The following FAM161A variants were observed in gnomAD, a reference collection of about 807,000 sequenced individuals.
FAM161A encodes the protein protein FAM161A.
FAM161A carries 57 observed loss-of-function variants against 70.9 expected under a neutral mutation model. The ratio of observed to expected loss-of-function variants is 0.80; its 90% CI spans 0.65 to 1.00. The LOEUF (loss-of-function observed/expected upper bound fraction) is 1.00, where lower values mean the gene tolerates loss of function less well. Ranked by LOEUF, FAM161A falls within the 50% of genes least tolerant of loss-of-function variation. The pLI is 0.00. For synonymous variants in FAM161A, 299 were observed against 295.7 expected, an observed-to-expected ratio of 1.01 and a Z score of -0.12; for missense variants, 880 against 836.0, an observed-to-expected ratio of 1.05 and a Z score of -0.65.
chr2:61,845,595 GGAGGACTGCTT>G (rs1673175783), intron 1 of FAM161A, among the ~76,000 whole-genome samples: 1 of 152,084 alleles, frequency 6.6e-6, no homozygotes, highest in African/African-American at 2.4e-5. Context: ...GGCTGCAGTG[GGAGGACTGCTT>G]GAGGCCAGGA....
At chr2:61,803,167 G>A in the FAM161A span, 10 of 498,664 alleles carry the variant, frequency 2.0e-5, no homozygotes, top group Admixed American at 2.7e-5. Context: ...CCTTCATCCC[G>A]GGAAGGCAAC....
chr2:61,842,704 G>T (rs1673063896), intron 1 of FAM161A, among the ~76,000 whole-genome samples: 1 of 152,206 alleles, frequency 6.6e-6, no homozygotes, highest in African/African-American at 2.4e-5. Flanking sequence ...CTCCTGAGTT[G>T]TAAGTTTTAA....
intron 1 of FAM161A, among the ~76,000 whole-genome samples, chr2:61,844,127 A>G (rs1053117760): frequency 1.3e-5 from 2 of 152,122 alleles, no homozygotes; most frequent in African/African-American, 4.8e-5. Flanking sequence ...TAGGCGACAG[A>G]GCGAGACTCT....
At position 61,839,587 on chromosome 2, in the gene FAM161A, A is replaced by G. The variant is rs535920139; in HGVS notation, c.1417T>C (p.Leu473=). 82 of 1,614,206 alleles carry G rather than the reference A, an allele frequency of 5.1e-5. 1 individual carries two copies. The South Asian group carries it at 8.7e-4, about 17-fold the overall frequency. The change falls in exon 3 of 7, where the codon TTG becomes CTG. Residue 473 remains leucine, a synonymous_variant. Transcript: ENST00000404929. ...PHASIKREKI[L]ADIEADEENL... Reference sequence around the variant, plus strand: ...TCTTCATCTGCTTCGATGTCTGCCAAAATTTTTTCTCTTTTAATAGATGCA... The same window carrying G: ...TCTTCATCTGCTTCGATGTCTGCCAGAATTTTTTCTCTTTTAATAGATGCA...
rs892142578 is a variant in FAM161A, at chr2:61,826,050, A to G, written c.*405T>C. 24 of 456,672 alleles carry G rather than the reference A, an allele frequency of 5.3e-5. No homozygotes were observed. The highest frequency in any genetic ancestry group is 4.8e-4 in the African/African-American group (24 of 50,108). 28.3% of individuals were successfully genotyped at this position (456,672 alleles called of 1,614,324 possible). A position where few individuals can be genotyped will look rare whatever the true frequency, so the allele number is the denominator to read the frequency against. On this transcript the variant is annotated 3_prime_UTR_variant, in exon 7 of 7. Transcript: ENST00000404929. ...GCAAATAGTATAATTAAAAATAGTT[A>G]TTGATTCACACTTTCCAAAATTTTT...
the FAM161A span, among the ~76,000 whole-genome samples, chr2:61,804,800 AAG>A: frequency 6.7e-6 from 1 of 150,318 alleles, no homozygotes; most frequent in East Asian, 1.9e-4. Context: ...GAAAGAAAGA[AAG>A]AAAGAAAGAA....
chr2:61,815,715 T>G, the FAM161A span, among the ~76,000 whole-genome samples: 1 of 151,842 alleles, frequency 6.6e-6, no homozygotes, highest in Non-Finnish European at 1.5e-5. Flanking sequence ...CATGCCCAGA[T>G]AGTTTTTGTA....
At chr2:61,806,316 A>G in the FAM161A span, among the ~76,000 whole-genome samples, 1 of 152,216 alleles carries the variant, frequency 6.6e-6, no homozygotes. Context: ...TGCATGTTGA[A>G]GTTCTGTTTA....
intron 1 of FAM161A, chr2:61,846,662 C>A: frequency 3.9e-6 from 1 of 256,412 alleles, no homozygotes; most frequent in Non-Finnish European, 7.7e-6. Flanking sequence ...TGGAACTCTG[C>A]AAACCACACT....
At chr2:61,823,207 C>T (rs148740348), downstream of FAM161A, among the ~76,000 whole-genome samples, 1,878 of 151,124 alleles carry the variant, frequency 0.012, 30 homozygotes, top group African/African-American at 0.042. Flanking sequence ...GTGGCAGGCA[C>T]CTGTAATCCC....
intron 2 of FAM161A, among the ~76,000 whole-genome samples, chr2:61,841,046 C>A (rs1362408881): frequency 6.6e-6 from 1 of 152,192 alleles, no homozygotes; most frequent in Admixed American, 6.5e-5. Flanking sequence ...TAGAGCTGGG[C>A]AATGCCCATA....
At chr2:61,822,001 TCA>T (rs1315193171), downstream of FAM161A, among the ~76,000 whole-genome samples, 6 of 151,208 alleles carry the variant, frequency 4.0e-5, no homozygotes, top group Admixed American at 2.0e-4. Context: ...ACTCCTGACC[TCA>T]AGTAATCTGC....
chr2:61,838,892 A>ATTTAT (rs747578151), intron 3 of FAM161A, among the ~76,000 whole-genome samples, 187 bp from the exon 4 acceptor site: 4 of 130,278 alleles, frequency 3.1e-5, no homozygotes, highest in African/African-American at 1.1e-4. Flanking sequence ...TTATTTATTT[A>ATTTAT]TTTTTTTTGA....
At chr2:61,802,323 AC>A in the FAM161A span, among the ~76,000 whole-genome samples, 1 of 152,066 alleles carries the variant, frequency 6.6e-6, no homozygotes, top group African/African-American at 2.4e-5. Flanking sequence ...AGCTGATCTC[AC>A]CTCCAGCACC....
Position 61,839,408 on chromosome 2 carries a change from C to T in FAM161A, c.1583+13G>A, listed in dbSNP as rs200160715. ...AACCATGAGTCAGTCAGTACTGCGT[C>T]CTACTTACTTACCTTACGGCTTGTT... On this transcript the variant is annotated intron_variant, in intron 3 of 6. Coordinates refer to ENST00000404929, the MANE Select transcript of FAM161A (RefSeq NM_001201543.2). 158 of 1,614,010 alleles carry T rather than the reference C, an allele frequency of 9.8e-5. No homozygotes were observed. The highest frequency in any genetic ancestry group is 1.2e-4 in the Non-Finnish European group (146 of 1,179,956).
the FAM161A span, among the ~76,000 whole-genome samples, chr2:61,809,411 A>G: frequency 1.3e-5 from 2 of 152,190 alleles, no homozygotes; most frequent in African/African-American, 4.8e-5. Flanking sequence ...CAAATTGAGT[A>G]TCTCCAGTCC....
chr2:61,854,027 G>C lies in FAM161A; in HGVS notation c.15C>G (p.His5Gln), dbSNP rs778451796. 1.2e-6 allele frequency: 2 copies of C among 1,610,152 alleles called. No homozygotes were observed. Among genetic ancestry groups the C allele is most frequent in the South Asian group, 1.1e-5 (1 of 90,592 alleles). ...TGGAGGCCACCAGCTTCGCCACTCG[G>C]TGGGAGGTGGCCATCGCCCCGCCTC... MATS[H>Q]RVAKLVASSL... The change falls in exon 1 of 7, where the codon CAC (histidine) becomes CAG (glutamine). Residue 5 changes from histidine to glutamine, a missense_variant. Physicochemically the swap from His to Gln is conservative, Grantham distance 24. Transcript: ENST00000404929.
At chr2:61,832,540 G>A (rs770748350) in intron 5 of FAM161A, among the ~76,000 whole-genome samples, 2 of 152,166 alleles carry the variant, frequency 1.3e-5, no homozygotes, top group Admixed American at 6.5e-5. Flanking sequence ...CTAAGATGTC[G>A]TTTATGCCAG....
At chr2:61,837,543 C>T (rs1310176837) in intron 4 of FAM161A, among the ~76,000 whole-genome samples, 3 of 152,170 alleles carry the variant, frequency 2.0e-5, no homozygotes, top group Non-Finnish European at 4.4e-5. Flanking sequence ...CCAAGGTAGG[C>T]AGATCACCTG....
Sources: gnomAD v4.1 joint callset for allele counts (sites outside exome capture counted in the v4.1 genomes callset) on GRCh38, gnomAD v4.1.1 for gene constraint, MANE v1.5 for transcripts, NCBI Gene and HGNC (gene_info 2026-07-23, HGNC 2026-07-21) for gene names.